The following CSMD1 variants were observed in gnomAD, a reference collection of about 807,000 sequenced individuals.
The protein encoded by CSMD1 is CUB and sushi domain-containing protein 1.
A neutral mutation model predicts 417.5 loss-of-function variants in CSMD1; 213 were observed. The observed-to-expected ratio is 0.51, with a 90% CI of 0.46 to 0.57. The LOEUF is 0.57. Ranked by LOEUF, CSMD1 falls within the 20% of genes least tolerant of loss-of-function variation. The pLI is 0.00. For synonymous variants in CSMD1, 2,862 were observed against 1,736.8 expected (o/e 1.65, Z -16.11); for missense variants, 6,923 against 4,529.7 (o/e 1.53, Z -15.17).
At chr8:3,670,238 C>A (rs375859324) in intron 7 of CSMD1, among the ~76,000 whole-genome samples, 2 of 151,718 alleles carry the variant, frequency 1.3e-5, no homozygotes, top group African/African-American at 4.8e-5. Flanking sequence ...ACAAAGCAGG[C>A]GGAAAAATAT....
chr8:3,214,779 G>T, intron 29 of CSMD1, 88 bp from the exon 30 acceptor site: 2 of 977,052 alleles, frequency 2.0e-6, no homozygotes, highest in Non-Finnish European at 3.0e-6. Flanking sequence ...CTTTAATTGT[G>T]TTATTTAGGG....
At chr8:4,536,521 A>G (rs1252933108) in intron 2 of CSMD1, among the ~76,000 whole-genome samples, 1 of 152,104 alleles carries the variant, frequency 6.6e-6, no homozygotes, top group Non-Finnish European at 1.5e-5. Context: ...CTCACATGTC[A>G]TGATATTGTA....
In CSMD1 at chr8:4,478,417, A is replaced by C. The variant is rs921077200; in HGVS notation, c.303-58352T>G. Among the ~76,000 whole-genome samples, 3 of 152,198 alleles carry C rather than the reference A, an allele frequency of 2.0e-5. No individual in the cohort carries two copies. The East Asian group carries it at 5.8e-4, about 29-fold the overall frequency. ...GTATTGAAATACTTTGTAAAGTTAT[A>C]TATCTTGTCAGTAAGTCACAAATGC... On this transcript the variant is annotated intron_variant, in intron 2 of 69. Transcript: ENST00000635120.
chr8:3,924,992 C>T lies in CSMD1; in HGVS notation c.818+72911G>A, dbSNP rs570365510. 2.7e-3 allele frequency among the ~76,000 whole-genome samples: 411 copies of T among 152,078 alleles called. 2 individuals carry two copies. The highest frequency in any genetic ancestry group is 4.4e-3 in the Non-Finnish European group (299 of 68,016). On this transcript the variant is annotated intron_variant, in intron 5 of 69. Transcript: ENST00000635120. Reference sequence around the variant, plus strand: ...CATTTGAAGCAGTATTTCTTTAGTCCTTGCTGACTGGTAAGAGAAAGACTT... The same window carrying T: ...CATTTGAAGCAGTATTTCTTTAGTCTTTGCTGACTGGTAAGAGAAAGACTT...
chr8:3,473,385 T>G (rs916253239), intron 11 of CSMD1, among the ~76,000 whole-genome samples: 1 of 152,206 alleles, frequency 6.6e-6, no homozygotes, highest in Non-Finnish European at 1.5e-5. Context: ...ATAGTTATTT[T>G]AAAGCTGATT....
intron 5 of CSMD1, among the ~76,000 whole-genome samples, chr8:3,945,380 C>T (rs2129810353): frequency 6.6e-6 from 1 of 152,164 alleles, no homozygotes; most frequent in South Asian, 2.1e-4. Context: ...AACAAACCTG[C>T]ACAATATAAA....
intron 26 of CSMD1, among the ~76,000 whole-genome samples, chr8:3,274,478 A>G (rs558932572): frequency 1.3e-5 from 2 of 152,224 alleles, no homozygotes; most frequent in South Asian, 2.1e-4. Context: ...GTTCCTGGGT[A>G]TGCTTGTTGA....
chr8:4,157,337 A>C (rs977181497), intron 3 of CSMD1, among the ~76,000 whole-genome samples: 5 of 152,232 alleles, frequency 3.3e-5, no homozygotes, highest in Non-Finnish European at 5.9e-5. Context: ...GCAGAGCCCA[A>C]GATATTTACC....
intron 3 of CSMD1, among the ~76,000 whole-genome samples, chr8:4,234,553 G>A (rs1043735475): frequency 1.3e-5 from 2 of 152,048 alleles, no homozygotes; most frequent in Non-Finnish European, 2.9e-5. Flanking sequence ...TCTTTTGGCC[G>A]TTCCTTTAGT....
chr8:3,307,939 A>G, intron 24 of CSMD1, 118 bp from the exon 25 acceptor site: 1 of 1,116,754 alleles, frequency 9.0e-7, no homozygotes, highest in South Asian at 1.7e-5. Flanking sequence ...AAAAAGAATC[A>G]CCATCATCTC....
Position 4,187,508 on chromosome 8 carries a change from G to C in CSMD1, c.416-155409C>G, listed in dbSNP as rs368383546. Among the ~76,000 whole-genome samples, 15 of 152,006 alleles carry C rather than the reference G, an allele frequency of 9.9e-5. No individual in the cohort carries two copies. The East Asian group carries it at 1.7e-3, about 18-fold the overall frequency. On this transcript the variant is annotated intron_variant, in intron 3 of 69. Coordinates refer to ENST00000635120, the MANE Select transcript of CSMD1 (RefSeq NM_033225.6). ...AAAATACAAAAAATCAGCCTGGGTG[G>C]TGGCACATGCCTGTAATCCCAGCTA...
intron 5 of CSMD1, among the ~76,000 whole-genome samples, chr8:3,859,640 T>C (rs949466886): frequency 2.0e-5 from 3 of 152,156 alleles, no homozygotes; most frequent in African/African-American, 7.2e-5. Context: ...ATGACGTCAG[T>C]TGACCTGAAG....
chr8:4,749,593 A>G (rs1008303469), intron 1 of CSMD1, among the ~76,000 whole-genome samples: 1 of 152,262 alleles, frequency 6.6e-6, no homozygotes, highest in Non-Finnish European at 1.5e-5. Flanking sequence ...GATCTTGTAC[A>G]GAGGATAATT....
At chr8:3,967,478 A>G (rs1205314149) in intron 5 of CSMD1, among the ~76,000 whole-genome samples, 1 of 151,210 alleles carries the variant, frequency 6.6e-6, no homozygotes, top group Admixed American at 6.6e-5. Context: ...AAACAGATGG[A>G]AAGTTGTTGA....
intron 7 of CSMD1, among the ~76,000 whole-genome samples, chr8:3,622,352 T>C (rs1306726334): frequency 2.0e-5 from 3 of 152,200 alleles, no homozygotes; most frequent in East Asian, 3.9e-4. Context: ...AATAATAGAC[T>C]CTAGCTTGGT....
chr8:4,070,580 T>G (rs546647407), intron 3 of CSMD1, among the ~76,000 whole-genome samples: 32 of 152,102 alleles, frequency 2.1e-4, no homozygotes, highest in East Asian at 1.2e-3. Context: ...GATGGTCTCG[T>G]TCTCCTGACC....
intron 3 of CSMD1, among the ~76,000 whole-genome samples, chr8:4,166,410 T>A (rs1797459245): frequency 6.6e-6 from 1 of 152,206 alleles, no homozygotes; most frequent in East Asian, 1.9e-4. Flanking sequence ...AATGTATATA[T>A]ACCACACAAT....
intron 7 of CSMD1, among the ~76,000 whole-genome samples, chr8:3,672,830 G>A (rs534089609): frequency 2.6e-5 from 4 of 152,168 alleles, no homozygotes; most frequent in African/African-American, 9.7e-5. Context: ...ATTACCATGG[G>A]CAATAGACTT....
intron 7 of CSMD1, among the ~76,000 whole-genome samples, chr8:3,666,795 G>C (rs947383542): frequency 6.6e-6 from 1 of 151,864 alleles, no homozygotes; most frequent in African/African-American, 2.4e-5. Flanking sequence ...TCATGATTGT[G>C]AGGCCTCCTC....
Sources: allele counts gnomAD v4.1 joint callset (sites outside exome capture counted in the v4.1 genomes callset), GRCh38; gene constraint gnomAD v4.1.1; transcripts MANE v1.5; gene names NCBI Gene and HGNC (gene_info 2026-07-23, HGNC 2026-07-21).